PBX3: variants seen among roughly 807,000 people sequenced by gnomAD.
PBX3 encodes PBX homeobox 3, also known as pre-B-cell leukemia transcription factor 3.
Under a neutral mutation model 48.5 loss-of-function variants are expected in PBX3, and 14 were observed. The ratio of observed to expected loss-of-function variants is 0.29; its 90% CI spans 0.19 to 0.45. The LOEUF (loss-of-function observed/expected upper bound fraction) is 0.45, where lower values mean the gene tolerates loss of function less well. Ranked by LOEUF, PBX3 falls within the 20% of genes least tolerant of loss-of-function variation. The pLI is 1.00. For synonymous variants in PBX3, 210 were observed against 200.3 expected (o/e 1.05, Z -0.41); for missense variants, 386 against 546.7 (o/e 0.71, Z 2.93).
intron 2 of PBX3, among the ~76,000 whole-genome samples, chr9:125,851,522 C>T (rs538191537): frequency 2.0e-5 from 3 of 152,078 alleles, no homozygotes; most frequent in South Asian, 2.1e-4. Flanking sequence ...TTTTTTAACA[C>T]GTTTGTTGAT....
At chr9:125,771,307 T>C (rs976769808) in intron 2 of PBX3, among the ~76,000 whole-genome samples, 13 of 152,228 alleles carry the variant, frequency 8.5e-5, no homozygotes, top group Non-Finnish European at 7.3e-5. Context: ...CTGTAAACTT[T>C]AACTGCTTGT....
At chr9:125,961,684 G>A (rs374396028) in intron 6 of PBX3, among the ~76,000 whole-genome samples, 3 of 152,126 alleles carry the variant, frequency 2.0e-5, no homozygotes, top group Non-Finnish European at 4.4e-5. Context: ...TATGCATAGC[G>A]AAGAAAGAGC....
chr9:125,782,386 G>A (rs1837345094), intron 2 of PBX3, among the ~76,000 whole-genome samples: 1 of 152,118 alleles, frequency 6.6e-6, no homozygotes, highest in African/African-American at 2.4e-5. Flanking sequence ...TGAGATTTGG[G>A]TAGGGACACA....
intron 2 of PBX3, among the ~76,000 whole-genome samples, chr9:125,782,491 T>G (rs180741653): frequency 6.6e-6 from 1 of 152,352 alleles, no homozygotes; most frequent in Admixed American, 6.5e-5. Context: ...TATATTATTG[T>G]TACAAATTAC....
intron 2 of PBX3, among the ~76,000 whole-genome samples, chr9:125,817,978 G>T (rs866075740): frequency 3.9e-5 from 6 of 152,106 alleles, no homozygotes; most frequent in African/African-American, 1.4e-4. Context: ...CGAGGCGGAC[G>T]GATCACGAGG....
chr9:125,860,944 A>G (rs1180701871), intron 2 of PBX3, among the ~76,000 whole-genome samples: 1 of 151,858 alleles, frequency 6.6e-6, no homozygotes, highest in Non-Finnish European at 1.5e-5. Context: ...AATGCAAATT[A>G]AAAGTTCAAC....
At chr9:125,820,662 A>G (rs532503278) in intron 2 of PBX3, among the ~76,000 whole-genome samples, 1 of 152,236 alleles carries the variant, frequency 6.6e-6, no homozygotes, top group Non-Finnish European at 1.5e-5. Flanking sequence ...GAAGACAGTG[A>G]TATAAATCTG....
At chr9:125,756,589 G>T (rs1308394904) in intron 2 of PBX3, among the ~76,000 whole-genome samples, 2 of 152,166 alleles carry the variant, frequency 1.3e-5, no homozygotes, top group South Asian at 4.1e-4. Context: ...TTCCACCACT[G>T]TAGCTGTGAC....
In PBX3 at chr9:125,835,051, A is replaced by AAAAAAAAAAAAAAAT. The variant is rs1564681272; in HGVS notation, c.275-80635_275-80634insAAAAAAAAAAAAAAT. Among the ~76,000 whole-genome samples the AAAAAAAAAAAAAAAT allele has an allele frequency of 9.3e-5, 10 of 108,002 alleles. 4 individuals carry two copies. The highest frequency in any genetic ancestry group is 3.8e-4 in the African/African-American group (10 of 26,310). 70.9% of individuals were successfully genotyped at this position (108,002 alleles called of 152,430 possible). A position where few individuals can be genotyped will look rare whatever the true frequency, so the allele number is the denominator to read the frequency against. ...AAAAAAAAAAAAAAAAAAAAAAAAA[A>AAAAAAAAAAAAAAAT]GGGCAAAAGATATGAAAAGACAAGT... On this transcript the variant is annotated intron_variant, in intron 2 of 8. Coordinates refer to ENST00000373489, the MANE Select transcript of PBX3 (RefSeq NM_006195.6).
chr9:125,858,656 A>C, intron 2 of PBX3, among the ~76,000 whole-genome samples: 3 of 109,616 alleles, frequency 2.7e-5, no homozygotes, highest in African/African-American at 6.8e-5. Flanking sequence ...ATGAAGTTTC[A>C]CTCTTGTTGC....
chr9:125,948,613 A>G (rs940034617), intron 5 of PBX3, among the ~76,000 whole-genome samples: 6 of 152,270 alleles, frequency 3.9e-5, no homozygotes, highest in Middle Eastern at 3.4e-3. Flanking sequence ...AAAGAAATTT[A>G]TAGCTTTATA....
intron 2 of PBX3, among the ~76,000 whole-genome samples, chr9:125,750,280 C>G (rs1171441589): frequency 6.6e-6 from 1 of 152,166 alleles, no homozygotes; most frequent in Non-Finnish European, 1.5e-5. Context: ...GGGATGGATA[C>G]TTATCGCTTC....
At position 125,866,572 on chromosome 9, in the gene PBX3, A is replaced by C. The variant is rs556406638; in HGVS notation, c.275-49114A>C. The stretch of plus-strand genomic sequence containing the variant: ...CCTAGATTGTAAGAGGGAAACAAAG[A>C]AACAATCATCATGGCTATTTTATTA... On this transcript the variant is annotated intron_variant, in intron 2 of 8. Transcript: ENST00000373489. 4.6e-5 allele frequency among the ~76,000 whole-genome samples: 7 copies of C among 152,300 alleles called. No individual in the cohort carries two copies. In the South Asian group the frequency reaches 1.5e-3, roughly 32 times the overall value.
chr9:125,864,804 C>T (rs146508576), intron 2 of PBX3, among the ~76,000 whole-genome samples: 3 of 152,270 alleles, frequency 2.0e-5, no homozygotes, highest in Non-Finnish European at 4.4e-5. Flanking sequence ...GCCTGGTTTC[C>T]AACAGGCCGT....
intron 2 of PBX3, among the ~76,000 whole-genome samples, chr9:125,808,490 C>G (rs1315178985): frequency 6.6e-6 from 1 of 152,038 alleles, no homozygotes; most frequent in Non-Finnish European, 1.5e-5. Flanking sequence ...ACCCTGGGGA[C>G]TCTGTCTCTA....
At chr9:125,926,297 A>G (rs1420067361) in intron 3 of PBX3, among the ~76,000 whole-genome samples, 2 of 152,128 alleles carry the variant, frequency 1.3e-5, no homozygotes, top group Non-Finnish European at 2.9e-5. Context: ...AGGTGGGCGG[A>G]TCACTTGAGG....
intron 2 of PBX3, among the ~76,000 whole-genome samples, chr9:125,804,947 TAAAA>T (rs547253775): frequency 9.3e-5 from 5 of 53,516 alleles, no homozygotes; most frequent in East Asian, 5.5e-4. Context: ...GGCTCTGTCT[TAAAA>T]AAAAAAAAAA....
intron 2 of PBX3, among the ~76,000 whole-genome samples, chr9:125,782,966 C>T (rs1180177014): frequency 2.6e-5 from 4 of 152,050 alleles, no homozygotes; most frequent in African/African-American, 9.7e-5. Flanking sequence ...GCTTGCTTCT[C>T]TTGCTGTTTT....
intron 2 of PBX3, among the ~76,000 whole-genome samples, chr9:125,887,480 T>A (rs532009364): frequency 6.6e-6 from 1 of 152,322 alleles, no homozygotes; most frequent in African/African-American, 2.4e-5. Flanking sequence ...TTTAAGGTTT[T>A]GTAGCCTACA....
Sources: allele counts gnomAD v4.1 joint callset (sites outside exome capture counted in the v4.1 genomes callset), GRCh38; gene constraint gnomAD v4.1.1; transcripts MANE v1.5; gene names NCBI Gene and HGNC (gene_info 2026-07-23, HGNC 2026-07-21).